The following TGFBR3 variants were observed in gnomAD, a reference collection of about 807,000 sequenced individuals.
The protein encoded by TGFBR3 is transforming growth factor beta receptor 3.
A neutral mutation model predicts 87.9 loss-of-function variants in TGFBR3; 46 were observed. The observed-to-expected ratio is 0.52, with a 90% CI of 0.41 to 0.67. The LOEUF (loss-of-function observed/expected upper bound fraction) is 0.67. Ranked by LOEUF, TGFBR3 falls within the 30% of genes least tolerant of loss-of-function variation. TGFBR3 has a pLI of 0.00. For synonymous variants in TGFBR3, 381 were observed against 391.6 expected, an observed-to-expected ratio of 0.97 and a Z score of 0.32; for missense variants, 866 against 1,041.9, an observed-to-expected ratio of 0.83 and a Z score of 2.32.
intron 5 of TGFBR3, among the ~76,000 whole-genome samples, chr1:91,730,577 C>T (rs969073493): frequency 6.6e-6 from 1 of 152,190 alleles, no homozygotes; most frequent in Non-Finnish European, 1.5e-5. Context: ...AAATCCAATA[C>T]TTATGTATTT....
intron 2 of TGFBR3, among the ~76,000 whole-genome samples, chr1:91,848,810 T>C (rs143760229): frequency 6.6e-6 from 1 of 152,036 alleles, no homozygotes; most frequent in African/African-American, 2.4e-5. Context: ...ATCAGGAGGG[T>C]AAGTAAGCAA....
At chr1:91,737,565 G>C (rs1673007899) in intron 4 of TGFBR3, among the ~76,000 whole-genome samples, 1 of 152,020 alleles carries the variant, frequency 6.6e-6, no homozygotes, top group South Asian at 2.1e-4. Flanking sequence ...GACCTCACTA[G>C]CTCCCAAGAC....
chr1:91,839,107 A>C (rs767683580), intron 2 of TGFBR3, among the ~76,000 whole-genome samples: 19 of 152,236 alleles, frequency 1.2e-4, no homozygotes, highest in Non-Finnish European at 1.8e-4. Context: ...CCTCCTGAGC[A>C]GCTGGGACCA....
intron 2 of TGFBR3, among the ~76,000 whole-genome samples, chr1:91,856,400 T>G (rs1180215080): frequency 6.6e-6 from 1 of 152,106 alleles, no homozygotes; most frequent in Non-Finnish European, 1.5e-5. Context: ...ACACTAACAC[T>G]GGGACATGGA....
At chr1:91,891,118 G>C (rs1243184540), upstream of TGFBR3, among the ~76,000 whole-genome samples, 3 of 151,222 alleles carry the variant, frequency 2.0e-5, no homozygotes, top group African/African-American at 4.8e-5. Flanking sequence ...GGCTGGTCTC[G>C]AGCTCTGTGA....
At chr1:91,772,279 C>T (rs1423721492) in intron 3 of TGFBR3, among the ~76,000 whole-genome samples, 2 of 152,070 alleles carry the variant, frequency 1.3e-5, no homozygotes, top group Non-Finnish European at 2.9e-5. Flanking sequence ...ACTTCCATTA[C>T]CTGACTTACT....
chr1:91,805,307 A>C (rs891384709), intron 2 of TGFBR3, among the ~76,000 whole-genome samples: 3 of 152,064 alleles, frequency 2.0e-5, no homozygotes, highest in Non-Finnish European at 2.9e-5. Context: ...TTTTCCTTGG[A>C]CTCAAAGTGT....
chr1:91,885,064 T>G (rs1381791105), intron 1 of TGFBR3, among the ~76,000 whole-genome samples: 3 of 152,354 alleles, frequency 2.0e-5, no homozygotes, highest in Non-Finnish European at 4.4e-5. Context: ...CATTAAATCA[T>G]TAGATGCTCA....
intron 4 of TGFBR3, among the ~76,000 whole-genome samples, chr1:91,743,715 T>C (rs907791087): frequency 1.3e-5 from 2 of 152,258 alleles, no homozygotes; most frequent in African/African-American, 4.8e-5. Flanking sequence ...CAAATCTTGA[T>C]GTCCAATTAA....
rs1032596242 is a variant in TGFBR3 at position 91,708,768 on chromosome 1, C to T, written c.2182G>A (p.Glu728Lys). The T allele has an allele frequency of 3.1e-6, 5 of 1,613,828 alleles. 1 individual carries two copies. Among genetic ancestry groups the T allele is most frequent in the East Asian group, 2.2e-5 (1 of 44,882 alleles). ...GAGGCGTCCAGCGAGGTGCAGGCTT[C>T]GTCAGGAGGCACACACTGCAGACAG... ...QKLPKCVPPD[E>K]ACTSLDASII... Residue 728 changes from glutamate to lysine, a missense_variant, in exon 14 of 17, where the codon GAA (glutamate) becomes AAA (lysine). By Grantham distance (56) the Glu-to-Lys change is moderately conservative. Transcript: ENST00000212355.
chr1:91,862,075 TGAACTCCTGACCTC>T (rs955880527), intron 1 of TGFBR3: 1 of 167,020 alleles, frequency 6.0e-6, no homozygotes, highest in Non-Finnish European at 1.3e-5. Flanking sequence ...AGGCTGGTCT[TGAACTCCTGACCTC>T]GTGATCTGCC....
chr1:91,898,738 A>C (rs1679613879), intron 2 of TGFBR3, among the ~76,000 whole-genome samples: 1 of 152,102 alleles, frequency 6.6e-6, no homozygotes, highest in Non-Finnish European at 1.5e-5. Context: ...CGTCTGGCTG[A>C]TCATTGTTAA....
intron 12 of TGFBR3, 62 bp downstream of exon 12, chr1:91,716,174 A>G (rs1571434886): frequency 4.4e-6 from 7 of 1,600,954 alleles, no homozygotes; most frequent in Middle Eastern, 3.8e-4. Flanking sequence ...ATTTTAGCTG[A>G]TGTCTAAGGA....
At chr1:91,735,714 T>C (rs895571524) in intron 4 of TGFBR3, among the ~76,000 whole-genome samples, 1 of 152,266 alleles carries the variant, frequency 6.6e-6, no homozygotes, top group Non-Finnish European at 1.5e-5. Flanking sequence ...TCATGGTATA[T>C]GTGTAATTAA....
At chr1:91,762,445 C>T (rs1191852191) in intron 3 of TGFBR3, among the ~76,000 whole-genome samples, 1 of 152,192 alleles carries the variant, frequency 6.6e-6, no homozygotes, top group Admixed American at 6.5e-5. Context: ...CTACAAATTA[C>T]ACCGCTGGTC....
chr1:91,882,958 C>T (rs1479272704), intron 1 of TGFBR3, among the ~76,000 whole-genome samples: 1 of 152,072 alleles, frequency 6.6e-6, no homozygotes, highest in East Asian at 1.9e-4. Flanking sequence ...GATTACTGAT[C>T]CCCTATTGTC....
At chr1:91,756,722 C>T (rs1185774512) in intron 4 of TGFBR3, among the ~76,000 whole-genome samples, 3 of 152,178 alleles carry the variant, frequency 2.0e-5, no homozygotes, top group Middle Eastern at 3.4e-3. Flanking sequence ...GTAAATGTAC[C>T]TTTTGAGTTT....
chr1:91,845,799 C>T (rs1677445191), intron 2 of TGFBR3, among the ~76,000 whole-genome samples: 1 of 152,086 alleles, frequency 6.6e-6, no homozygotes, highest in Non-Finnish European at 1.5e-5. Context: ...AAACAGAGGA[C>T]ATGAGGAACC....
At chr1:91,809,501 C>T (rs1223583754) in intron 2 of TGFBR3, among the ~76,000 whole-genome samples, 1 of 152,124 alleles carries the variant, frequency 6.6e-6, no homozygotes, top group African/African-American at 2.4e-5. Context: ...GTTGAATCAT[C>T]GCCTATAACC....
Sources: gnomAD v4.1 joint callset for allele counts (sites outside exome capture counted in the v4.1 genomes callset) on GRCh38, gnomAD v4.1.1 for gene constraint, MANE v1.5 for transcripts, NCBI Gene and HGNC (gene_info 2026-07-23, HGNC 2026-07-21) for gene names.